FOXP1: variants seen among roughly 807,000 people sequenced by gnomAD.
FOXP1 encodes forkhead box P1.
Under a neutral mutation model 98.2 loss-of-function variants are expected in FOXP1, and 15 were observed. The ratio of observed to expected loss-of-function variants is 0.15; its 90% CI spans 0.10 to 0.24. FOXP1 has a LOEUF of 0.24. Ranked by LOEUF, FOXP1 falls within the 10% of genes least tolerant of loss-of-function variation. The pLI is 1.00. For synonymous variants in FOXP1, 371 were observed against 314.5 expected (o/e 1.18, Z -1.90); for missense variants, 633 against 848.5 (o/e 0.75, Z 3.15).
intron 6 of FOXP1, among the ~76,000 whole-genome samples, chr3:71,151,827 T>G (rs1362489012): frequency 5.9e-5 from 9 of 152,152 alleles, no homozygotes. Context: ...ACAAACACTC[T>G]TAGCTCTGTC....
chr3:70,970,518 T>A (rs1477688159), intron 19 of FOXP1: 5 of 559,404 alleles, frequency 8.9e-6, no homozygotes, highest in African/African-American at 1.9e-5. Context: ...AGTGAACTTT[T>A]AATTTTTTTG....
intron 4 of FOXP1, among the ~76,000 whole-genome samples, chr3:71,340,309 T>C (rs558642245): frequency 6.6e-6 from 1 of 152,356 alleles, no homozygotes; most frequent in South Asian, 2.1e-4. Context: ...GTTATAACTC[T>C]TTGATTTGTC....
Position 71,480,297 on chromosome 3 carries a change from C to T in FOXP1, c.-168+13129G>A, listed in dbSNP as rs533997086. On this transcript the variant is annotated intron_variant, in intron 3 of 20. Coordinates refer to ENST00000649528, the MANE Select transcript of FOXP1 (RefSeq NM_001349338.3). The stretch of plus-strand genomic sequence containing the variant: ...GCAACCAAAGGACTGAGCCGAGTGT[C>T]TGGCACACAGTATGCTGCTACTGCA... Among the ~76,000 whole-genome samples, 7 of 152,350 alleles carry T rather than the reference C, an allele frequency of 4.6e-5. No homozygotes were observed. The South Asian group carries it at 1.4e-3, about 32-fold the overall frequency.
chr3:71,502,074 G>C (rs2041423895), intron 2 of FOXP1, among the ~76,000 whole-genome samples: 2 of 152,300 alleles, frequency 1.3e-5, no homozygotes, highest in Non-Finnish European at 1.5e-5. Context: ...AGCCCACTTG[G>C]CACCCTATCT....
chr3:71,161,848 G>A (rs1314990126), intron 6 of FOXP1, among the ~76,000 whole-genome samples: 2 of 152,298 alleles, frequency 1.3e-5, no homozygotes, highest in African/African-American at 4.8e-5. Context: ...TAGAGGGAAT[G>A]GGGAAGTCAC....
intron 5 of FOXP1, among the ~76,000 whole-genome samples, chr3:71,278,890 T>G (rs2071204770): frequency 2.0e-5 from 3 of 151,718 alleles, no homozygotes; most frequent in Admixed American, 2.0e-4. Flanking sequence ...TTTGTTACTC[T>G]TGATAGAAAC....
chr3:71,371,804 C>A (rs1217421694), intron 3 of FOXP1, among the ~76,000 whole-genome samples: 1 of 152,046 alleles, frequency 6.6e-6, no homozygotes, highest in African/African-American at 2.4e-5. Flanking sequence ...CCCCGGTATA[C>A]AGGGTCCTGC....
chr3:71,198,280 C>T lies in FOXP1; in HGVS notation c.102G>A (p.Glu34=), dbSNP rs751234324. Residue 34 remains glutamate (E), a synonymous_variant, in exon 6 of 21, where the codon GAG becomes GAA. Transcript: ENST00000649528. ...NHLLECGGLR[E]GRSNGETPAV... is the part of the protein sequence containing the mutation. ...CCGGCGTCTCTCCGTTGGACCGCCC[C>T]TCCCGAAGACCGCCGCACTCTAGTA... 1.9e-6 allele frequency: 3 copies of T among 1,614,104 alleles called. No homozygotes were observed. Among genetic ancestry groups the T allele is most frequent in the African/African-American group, 2.7e-5 (2 of 74,948 alleles).
intron 5 of FOXP1, among the ~76,000 whole-genome samples, chr3:71,250,887 C>T (rs904659749): frequency 4.6e-5 from 7 of 151,922 alleles, no homozygotes; most frequent in Admixed American, 3.9e-4. Context: ...GCCGAAACTG[C>T]GCCACTGCAC....
At chr3:71,059,418 T>C (rs1294625077) in intron 7 of FOXP1, among the ~76,000 whole-genome samples, 1 of 152,180 alleles carries the variant, frequency 6.6e-6, no homozygotes, top group African/African-American at 2.4e-5. Context: ...GTTACTCCAC[T>C]AAGTGCCAGT....
At chr3:71,229,037 G>C (rs1383117677) in intron 5 of FOXP1, among the ~76,000 whole-genome samples, 2 of 149,252 alleles carry the variant, frequency 1.3e-5, no homozygotes, top group African/African-American at 4.9e-5. Context: ...ATTTTATAAA[G>C]GGGGAAAGTT....
At chr3:71,529,026 T>C (rs2043615931) in intron 2 of FOXP1, among the ~76,000 whole-genome samples, 1 of 152,232 alleles carries the variant, frequency 6.6e-6, no homozygotes, top group African/African-American at 2.4e-5. Context: ...TGGTGTACTC[T>C]ATCTATAAGG....
intron 7 of FOXP1, among the ~76,000 whole-genome samples, chr3:71,109,137 A>G (rs1296580612): frequency 3.9e-5 from 6 of 152,228 alleles, no homozygotes; most frequent in Non-Finnish European, 5.9e-5. Flanking sequence ...TCATTAATAA[A>G]CCACATCACC....
In FOXP1 at chr3:71,206,850, A is replaced by G. The variant is rs541579781; in HGVS notation, c.-11-8458T>C. 2.1e-3 allele frequency among the ~76,000 whole-genome samples: 313 copies of G among 152,314 alleles called. 3 individuals carry two copies. Among genetic ancestry groups the G allele is most frequent in the Non-Finnish European group, 1.9e-3 (128 of 68,030 alleles). ...GGTCTTGGTTCGCTTCTTTCCTAAT[A>G]GACAAGAGTTTAAGTGCCGTAATCA... is the stretch of plus-strand genomic sequence containing the variant. On this transcript the variant is annotated intron_variant, in intron 5 of 20. Transcript: ENST00000649528.
chr3:71,179,377 G>A (rs1438338712), intron 6 of FOXP1, among the ~76,000 whole-genome samples: 2 of 151,950 alleles, frequency 1.3e-5, no homozygotes, highest in African/African-American at 4.8e-5. Context: ...CAAAGTGCTG[G>A]GATTACAGGT....
chr3:71,537,801 A>T (rs1374560754), intron 2 of FOXP1, among the ~76,000 whole-genome samples: 1 of 152,242 alleles, frequency 6.6e-6, no homozygotes, highest in African/African-American at 2.4e-5. Context: ...AATCTTTCTG[A>T]CCACCTGCTT....
chr3:71,540,514 T>C (rs2044714935), intron 2 of FOXP1, among the ~76,000 whole-genome samples: 2 of 152,246 alleles, frequency 1.3e-5, no homozygotes, highest in African/African-American at 4.8e-5. Context: ...TCAATTAAAA[T>C]AATAAACTTT....
chr3:70,972,329 G>T, intron 18 of FOXP1: 1 of 887,494 alleles, frequency 1.1e-6, no homozygotes, highest in Non-Finnish European at 1.7e-6. Context: ...AATATGCATT[G>T]CCACCTAAAA....
intron 2 of FOXP1, among the ~76,000 whole-genome samples, chr3:71,554,080 G>A (rs1483612821): frequency 6.6e-6 from 1 of 152,086 alleles, no homozygotes; most frequent in African/African-American, 2.4e-5. Context: ...GGATACAGCG[G>A]CTCACACCTA....
Sources: gnomAD v4.1 joint callset for allele counts (sites outside exome capture counted in the v4.1 genomes callset) on GRCh38, gnomAD v4.1.1 for gene constraint, MANE v1.5 for transcripts, NCBI Gene and HGNC (gene_info 2026-07-23, HGNC 2026-07-21) for gene names.